The following ABCC5 variants were observed in gnomAD, a reference collection of about 807,000 sequenced individuals.
ABCC5 encodes ATP-binding cassette sub-family C member 5.
A neutral mutation model predicts 160.9 loss-of-function variants in ABCC5; 61 were observed. The ratio of observed to expected loss-of-function variants is 0.38; its 90% CI spans 0.31 to 0.47. The LOEUF (loss-of-function observed/expected upper bound fraction) is 0.47, where lower values mean the gene tolerates loss of function less well. Among genes scored for constraint, ABCC5 ranks in the 20% least tolerant of loss-of-function variants. The pLI, the probability that ABCC5 is intolerant of heterozygous loss-of-function variation, is 0.99. For synonymous variants in ABCC5, 666 were observed against 700.6 expected, an observed-to-expected ratio of 0.95 and a Z score of 0.78; for missense variants, 1,308 against 1,813.3, an observed-to-expected ratio of 0.72 and a Z score of 5.06.
At chr3:183,943,674 G>A (rs891146450) in intron 24 of ABCC5, among the ~76,000 whole-genome samples, 3 of 152,182 alleles carry the variant, frequency 2.0e-5, no homozygotes, top group African/African-American at 7.2e-5. Flanking sequence ...GGGGGGTTAA[G>A]CCTAAAGTCT....
At chr3:184,005,908 TA>T (rs11429168) in intron 2 of ABCC5, among the ~76,000 whole-genome samples, 75 of 147,128 alleles carry the variant, frequency 5.1e-4, no homozygotes, top group Middle Eastern at 3.5e-3. Context: ...TTTAGGTACT[TA>T]AAAAAAAAAA....
chr3:183,955,474 G>A (rs1715789198), intron 17 of ABCC5, among the ~76,000 whole-genome samples: 1 of 152,176 alleles, frequency 6.6e-6, no homozygotes, highest in African/African-American at 2.4e-5. Context: ...GGTTCCATTG[G>A]GTACCCTTGG....
chr3:183,947,958 G>A (rs1384495622), intron 22 of ABCC5, among the ~76,000 whole-genome samples: 1 of 152,232 alleles, frequency 6.6e-6, no homozygotes, highest in Non-Finnish European at 1.5e-5. Flanking sequence ...AACACCATAA[G>A]TGTGTGCACA....
At position 183,981,787 on chromosome 3, in the gene ABCC5, T is replaced by A; in HGVS notation, c.1087A>T (p.Thr363Ser). Reference sequence around the variant, plus strand: ...TACATTTTGATAAATTTAATGTAAGTAAGAACTTCATTCATCTTCTGGACA... The same window carrying A: ...TACATTTTGATAAATTTAATGTAAGAAAGAACTTCATTCATCTTCTGGACA... ...ERVQKMNEVL[T>S]YIKFIKMYAW... is the part of the protein sequence containing the mutation. Residue 363 changes from threonine to serine, a missense_variant, in exon 8 of 30, where the codon ACT (threonine) becomes TCT (serine). Thr to Ser is a moderately conservative substitution (Grantham distance 58). Transcript: ENST00000334444. 1 of 1,611,274 alleles carries A rather than the reference T, an allele frequency of 6.2e-7. No individual in the cohort carries two copies. The highest frequency in any genetic ancestry group is 8.5e-7 in the Non-Finnish European group (1 of 1,179,220).
intron 2 of ABCC5, among the ~76,000 whole-genome samples, chr3:184,007,721 G>A (rs1172398032): frequency 2.0e-5 from 3 of 152,092 alleles, no homozygotes; most frequent in Non-Finnish European, 4.4e-5. Flanking sequence ...CAGCTACTTG[G>A]GAGACTGAGA....
intron 10 of ABCC5, among the ~76,000 whole-genome samples, chr3:183,974,543 A>G (rs904154188): frequency 3.3e-5 from 5 of 152,206 alleles, no homozygotes; most frequent in African/African-American, 9.7e-5. Flanking sequence ...TCCTGGCCTC[A>G]AGAGATCCAC....
chr3:183,971,817 G>A lies in ABCC5; in HGVS notation c.1507C>T (p.His503Tyr), dbSNP rs761703139. 17 of 1,614,030 alleles carry A rather than the reference G, an allele frequency of 1.1e-5. No individual in the cohort carries two copies. The African/African-American group carries it at 2.0e-4, about 19-fold the overall frequency. ...KNATLAWDSS[H>Y]SSIQNSPKLT... ...TTGGGCGAGTTCTGGATACTGGAGT[G>A]GGAGGAGTCCCATGCCAAGGTGGCA... is the stretch of plus-strand genomic sequence containing the variant. Residue 503 changes from histidine to tyrosine, a missense_variant, in exon 11 of 30, where the codon CAC becomes TAC. His to Tyr is a moderately conservative substitution (Grantham distance 83). Coordinates refer to ENST00000334444, the MANE Select transcript of ABCC5 (RefSeq NM_005688.4).
At position 183,961,601 on chromosome 3, in the gene ABCC5, T is replaced by C; in HGVS notation, c.2289A>G (p.Glu763=). The C allele has an allele frequency of 6.2e-7, 1 of 1,614,242 alleles. No individual in the cohort carries two copies. The highest frequency in any genetic ancestry group is 8.5e-7 in the Non-Finnish European group (1 of 1,180,038). Residue 763 remains glutamate, a synonymous_variant, in exon 16 of 30, where the codon GAA becomes GAG. Transcript: ENST00000334444. ...VIFMKEGCIT[E]RGTHEELMNL... ...TCATCAGTTCCTCATGGGTGCCTCT[T>C]TCCGTAATACAGCCCTCTTTCATGA...
At chr3:183,955,383 T>C (rs556305744) in intron 17 of ABCC5, among the ~76,000 whole-genome samples, 1 of 152,336 alleles carries the variant, frequency 6.6e-6, no homozygotes, top group East Asian at 1.9e-4. Flanking sequence ...TCGTCAGTTG[T>C]GTGCCTGAAC....
intron 26 of ABCC5, among the ~76,000 whole-genome samples, chr3:183,931,144 T>C (rs1426081129): frequency 1.3e-5 from 2 of 152,204 alleles, no homozygotes; most frequent in East Asian, 3.8e-4. Context: ...GACTGTGGTC[T>C]GTCTCTTGCA....
At chr3:183,957,526 C>CCG (rs1233937589) in intron 17 of ABCC5, among the ~76,000 whole-genome samples, 24 of 150,260 alleles carry the variant, frequency 1.6e-4, no homozygotes, top group African/African-American at 5.4e-4. Context: ...ACATGCTTAT[C>CCG]TGTGTGTACA....
chr3:183,976,482 T>G (rs533604674), intron 10 of ABCC5, among the ~76,000 whole-genome samples: 1 of 152,128 alleles, frequency 6.6e-6, no homozygotes, highest in Non-Finnish European at 1.5e-5. Context: ...CTTGAACTCC[T>G]GGGCTCAAGT....
At chr3:183,996,334 A>G (rs769990566) in intron 2 of ABCC5, among the ~76,000 whole-genome samples, 2 of 152,208 alleles carry the variant, frequency 1.3e-5, no homozygotes, top group African/African-American at 2.4e-5. Flanking sequence ...CTATGTGTAT[A>G]ACACACTGAT....
rs527544737 is a variant in ABCC5, at chr3:183,935,755, C to T, written c.3854+2146G>A. Among the ~76,000 whole-genome samples, 363 of 151,514 alleles carry T rather than the reference C, an allele frequency of 2.4e-3. 4 individuals carry two copies. The highest frequency in any genetic ancestry group is 8.0e-3 in the African/African-American group (332 of 41,288). ...GACCTCAGGTGATCCGCCCACCTAG[C>T]CCTCCCAAAGTGCTGGCATTACAGG... On this transcript the variant is annotated intron_variant, in intron 26 of 29. Transcript: ENST00000334444.
At chr3:183,980,064 G>A (rs980541622) in intron 8 of ABCC5, among the ~76,000 whole-genome samples, 6 of 152,102 alleles carry the variant, frequency 3.9e-5, no homozygotes, top group South Asian at 2.1e-4. Flanking sequence ...TAGTAGAGAC[G>A]GGGTTTTGCC....
At position 183,987,447 on chromosome 3, in the gene ABCC5, CACT is replaced by C; in HGVS notation, c.591+320_591+322del. 1 of 582,220 alleles carries C rather than the reference CACT, an allele frequency of 1.7e-6. No homozygotes were observed. The highest frequency in any genetic ancestry group is 2.1e-5 in the South Asian group (1 of 46,770). The allele number at this position is 582,220 out of a possible 1,614,324, so 36.1% of individuals were successfully genotyped here. ...ACAACGTGCTCTCACCCACTCATAG[CACT>C]GCAAGACACATCTGCCTGCACCGAC... On this transcript the variant is annotated intron_variant, in intron 5 of 29. Coordinates refer to ENST00000334444, the MANE Select transcript of ABCC5 (RefSeq NM_005688.4). The surrounding 1 kb of genome is among the most constrained non-coding windows in gnomAD (Gnocchi z 4.2).
intron 5 of ABCC5, chr3:183,983,335 G>T: frequency 3.0e-6 from 1 of 337,966 alleles, no homozygotes. Flanking sequence ...CCTTATTCCA[G>T]TATCTCCACA....
chr3:183,922,448 G>A (rs1000153935), intron 29 of ABCC5, among the ~76,000 whole-genome samples: 1 of 152,090 alleles, frequency 6.6e-6, no homozygotes, highest in African/African-American at 2.4e-5. Context: ...TCAAGTCAAG[G>A]GCACACCAGA....
At chr3:183,974,859 T>C (rs1157178325) in intron 10 of ABCC5, among the ~76,000 whole-genome samples, 1 of 152,218 alleles carries the variant, frequency 6.6e-6, no homozygotes, top group East Asian at 1.9e-4. Flanking sequence ...CAACAAGTTC[T>C]CCTGCCATAT....
Sources: gnomAD v4.1 joint callset for allele counts (sites outside exome capture counted in the v4.1 genomes callset) on GRCh38, gnomAD v4.1.1 for gene constraint, Gnocchi (gnomAD v3.1) non-coding constraint, MANE v1.5 for transcripts, NCBI Gene and HGNC (gene_info 2026-07-23, HGNC 2026-07-21) for gene names.